Variants in SEC23A observed in about 807,000 individuals in gnomAD.
SEC23A encodes protein transport protein Sec23A.
In SEC23A, 56 loss-of-function variants were observed where a neutral mutation model predicts 103.7. The ratio of observed to expected loss-of-function variants is 0.54; its 90% CI spans 0.44 to 0.67. The LOEUF (loss-of-function observed/expected upper bound fraction) is 0.67. SEC23A is among the 30% of genes least tolerant of loss of function. The pLI, the probability that SEC23A is intolerant of heterozygous loss-of-function variation, is 0.00. For synonymous variants in SEC23A, 281 were observed against 293.0 expected, an observed-to-expected ratio of 0.96 and a Z score of 0.42; for missense variants, 784 against 936.4, an observed-to-expected ratio of 0.84 and a Z score of 2.12.
chr14:39,045,430 C>T, intron 15 of SEC23A, 106 bp from the exon 16 acceptor site: 1 of 756,168 alleles, frequency 1.3e-6, no homozygotes, highest in Non-Finnish European at 2.1e-6. Flanking sequence ...CATAACAAAA[C>T]ATGTTATTAT....
chr14:39,095,634 C>T (rs975684903), intron 2 of SEC23A, among the ~76,000 whole-genome samples: 2 of 152,086 alleles, frequency 1.3e-5, no homozygotes, highest in Non-Finnish European at 2.9e-5. Flanking sequence ...TGGGTTGATA[C>T]ACATCCAGCA....
intron 9 of SEC23A, among the ~76,000 whole-genome samples, chr14:39,068,322 T>C (rs1886741070): frequency 1.3e-5 from 2 of 152,150 alleles, no homozygotes; most frequent in African/African-American, 2.4e-5. Context: ...ACAGAGTAAC[T>C]TGATAATATC....
intron 7 of SEC23A, 71 bp downstream of exon 7, chr14:39,085,691 C>CACAT: frequency 2.5e-6 from 1 of 407,248 alleles, no homozygotes; most frequent in Non-Finnish European, 3.5e-6. Context: ...ATTATATATA[C>CACAT]ACACACACAC....
intron 11 of SEC23A, chr14:39,064,588 GGGTATGCAGAAAGA>G (rs1886593106): frequency 8.3e-6 from 2 of 240,732 alleles, no homozygotes; most frequent in South Asian, 1.4e-4. Context: ...GATGGGAAAA[GGGTATGCAGAAAGA>G]GCAACCATGA....
chr14:39,038,727 T>C (rs1247520369), intron 19 of SEC23A, among the ~76,000 whole-genome samples: 2 of 152,234 alleles, frequency 1.3e-5, no homozygotes, highest in Non-Finnish European at 2.9e-5. Flanking sequence ...CTGGCCTCTC[T>C]TGGCTTATCG....
chr14:39,057,605 G>A (rs527305073), intron 13 of SEC23A, among the ~76,000 whole-genome samples: 2 of 152,278 alleles, frequency 1.3e-5, no homozygotes, highest in East Asian at 1.9e-4. Flanking sequence ...GGACTCAAGT[G>A]ATCTTCCTGC....
chr14:39,066,871 G>C (rs776724274), intron 10 of SEC23A, among the ~76,000 whole-genome samples: 4 of 151,882 alleles, frequency 2.6e-5, no homozygotes, highest in Non-Finnish European at 4.4e-5. Context: ...TCAAAAAAAA[G>C]AAGATAAAAC....
chr14:39,061,811 G>A lies in SEC23A; in HGVS notation c.1459C>T (p.His487Tyr). ...GAIQFVTQYQ[H>Y]SSGQRRIRVT... Reference sequence around the variant, plus strand: ...CGGATGCGTCTCTGCCCACTTGAATGCTGATACTGAGTCACAAACTGGATT... The same window carrying A: ...CGGATGCGTCTCTGCCCACTTGAATACTGATACTGAGTCACAAACTGGATT... The change falls in exon 13 of 20, where the codon CAT (histidine) becomes TAT (tyrosine). Residue 487 changes from histidine (H) to tyrosine (Y), a missense_variant. Transcript: ENST00000307712. 6.2e-7 allele frequency: 1 copy of A among 1,613,862 alleles called. No homozygotes were observed. Among genetic ancestry groups the A allele is most frequent in the Non-Finnish European group, 8.5e-7 (1 of 1,179,742 alleles).
intron 18 of SEC23A, chr14:39,040,383 T>C (rs1566479854): frequency 4.8e-6 from 1 of 208,578 alleles, no homozygotes; most frequent in Non-Finnish European, 9.7e-6. Context: ...TCATAGACTT[T>C]AACAGTAAAT....
chr14:39,094,197 CAT>C (rs370615822), intron 2 of SEC23A, among the ~76,000 whole-genome samples: 4 of 142,440 alleles, frequency 2.8e-5, no homozygotes, highest in South Asian at 2.2e-4. Context: ...TATACATATA[CAT>C]ATATATATAT....
At chr14:39,035,520 G>C (rs1885428944) in intron 19 of SEC23A, among the ~76,000 whole-genome samples, 1 of 152,132 alleles carries the variant, frequency 6.6e-6, no homozygotes, top group Admixed American at 6.5e-5. Flanking sequence ...TGAAAACAAA[G>C]AGAAGTCAAG....
At chr14:39,036,757 A>G (rs1885476120) in intron 19 of SEC23A, among the ~76,000 whole-genome samples, 1 of 152,136 alleles carries the variant, frequency 6.6e-6, no homozygotes, top group African/African-American at 2.4e-5. Flanking sequence ...CCTTACCGTA[A>G]TAACAATCAT....
At chr14:39,043,689 C>G (rs1165321292) in intron 16 of SEC23A, among the ~76,000 whole-genome samples, 2 of 152,106 alleles carry the variant, frequency 1.3e-5, no homozygotes, top group Admixed American at 6.6e-5. Context: ...AAGGGAAAAG[C>G]TAGCAAAAGA....
intron 7 of SEC23A, among the ~76,000 whole-genome samples, chr14:39,081,902 C>A (rs1887240882): frequency 6.6e-6 from 1 of 152,030 alleles, no homozygotes; most frequent in Non-Finnish European, 1.5e-5. Context: ...CCGCTGGGAC[C>A]TAGAATTAAT....
chr14:39,057,986 C>A (rs1184073316), intron 13 of SEC23A, among the ~76,000 whole-genome samples: 1 of 152,112 alleles, frequency 6.6e-6, no homozygotes, highest in Non-Finnish European at 1.5e-5. Flanking sequence ...TAAGTAAAAA[C>A]TTCAGTCTAA....
Position 39,085,903 on chromosome 14 carries a change from G to T in SEC23A, c.687C>A (p.Phe229Leu), listed in dbSNP as rs1382105411. The T allele has an allele frequency of 3.7e-6, 6 of 1,612,576 alleles. No individual in the cohort carries two copies. Among genetic ancestry groups the T allele is most frequent in the Non-Finnish European group, 5.1e-6 (6 of 1,178,684 alleles). Residue 229 changes from phenylalanine to leucine, a missense_variant, in exon 7 of 20, where the codon TTC becomes TTA. Around this residue, in one of 2 missense-constraint regions of SEC23A, gnomAD observed 683 missense variants for 774.2 expected, o/e 0.88. Coordinates refer to ENST00000307712, the MANE Select transcript of SEC23A (RefSeq NM_006364.4). The part of the protein sequence containing the change: ...QVQQPPPSNR[F>L]LQPVQKIDMN... ...TGTCTATTTTCTGTACTGGTTGTAA[G>T]AATCTAAGAAACAGAATTAAATAAA...
intron 5 of SEC23A, among the ~76,000 whole-genome samples, chr14:39,089,888 G>A (rs374354813): frequency 6.6e-6 from 1 of 152,178 alleles, no homozygotes; most frequent in African/African-American, 2.4e-5. Context: ...CCCGGGAGGC[G>A]GAGGTTGCAG....
chr14:39,091,145 A>G (rs984541593), intron 5 of SEC23A: 5 of 320,422 alleles, frequency 1.6e-5, no homozygotes, highest in Non-Finnish European at 2.9e-5. Context: ...AACTCTTAAG[A>G]AAAAAAAAAG....
intron 16 of SEC23A, 54 bp from the exon 17 acceptor site, chr14:39,042,926 A>T: frequency 9.8e-7 from 1 of 1,016,076 alleles, no homozygotes; most frequent in Non-Finnish European, 1.6e-6. Flanking sequence ...AATCTACTCA[A>T]TAATATAAAA....
Sources: allele counts gnomAD v4.1 joint callset (sites outside exome capture counted in the v4.1 genomes callset), GRCh38; gene constraint gnomAD v4.1.1; regional missense constraint gnomAD v4.1.1; transcripts MANE v1.5; gene names NCBI Gene and HGNC (gene_info 2026-07-23, HGNC 2026-07-21).